CPT1A: variants seen among roughly 807,000 people sequenced by gnomAD.
The protein encoded by CPT1A is carnitine O-palmitoyltransferase 1, liver isoform.
Under a neutral mutation model 100.8 loss-of-function variants are expected in CPT1A, and 64 were observed. The ratio of observed to expected loss-of-function variants is 0.63; its 90% CI spans 0.52 to 0.78. The LOEUF is 0.78. Among genes scored for constraint, CPT1A ranks in the 30% least tolerant of loss-of-function variants. The pLI is 0.00. For missense variants in CPT1A, 802 were observed against 1,034.1 expected, an observed-to-expected ratio of 0.78 and a Z score of 3.08; for synonymous variants, 363 against 396.0, an observed-to-expected ratio of 0.92 and a Z score of 0.99.
At chr11:68,819,669 AG>A (rs1193793890) in intron 1 of CPT1A, among the ~76,000 whole-genome samples, 1 of 152,226 alleles carries the variant, frequency 6.6e-6, no homozygotes, top group Non-Finnish European at 1.5e-5. Flanking sequence ...AGGTAATTAT[AG>A]TGTCCTTTCT....
intron 1 of CPT1A, among the ~76,000 whole-genome samples, chr11:68,820,182 C>T (rs1186206518): frequency 3.3e-5 from 5 of 151,934 alleles, no homozygotes; most frequent in African/African-American, 9.7e-5. Flanking sequence ...AGGCATGCAC[C>T]ACCATGCTCA....
At chr11:68,774,673 T>C (rs1855093611) in intron 13 of CPT1A, among the ~76,000 whole-genome samples, 3 of 150,918 alleles carry the variant, frequency 2.0e-5, no homozygotes, top group African/African-American at 7.3e-5. Context: ...TCCTAGCTAC[T>C]TGGGAGGCTG....
intron 9 of CPT1A, among the ~76,000 whole-genome samples, chr11:68,793,044 T>G (rs2153999547): frequency 1.3e-5 from 1 of 74,650 alleles, no homozygotes; most frequent in Non-Finnish European, 2.5e-5. Flanking sequence ...AGAGACCTCA[T>G]GTCAAAATAA....
At chr11:68,842,557 C>T (rs1270212083), upstream of CPT1A, among the ~76,000 whole-genome samples, 4 of 152,158 alleles carry the variant, frequency 2.6e-5, no homozygotes, top group African/African-American at 9.7e-5. Context: ...CCAGAGGCAG[C>T]GTGGCTCCTC....
chr11:68,835,394 T>C (rs988909695), intron 1 of CPT1A, among the ~76,000 whole-genome samples: 3 of 152,234 alleles, frequency 2.0e-5, no homozygotes, highest in African/African-American at 7.2e-5. Flanking sequence ...GTATCTCCCA[T>C]GCATATTCTT....
intron 1 of CPT1A, among the ~76,000 whole-genome samples, chr11:68,839,093 G>A (rs541181158): frequency 1.4e-4 from 21 of 152,228 alleles, no homozygotes; most frequent in African/African-American, 5.1e-4. Flanking sequence ...CGGAATTCAA[G>A]TTCAGGCTTC....
At chr11:68,842,845 G>T (rs76382879), upstream of CPT1A, among the ~76,000 whole-genome samples, 1,577 of 152,264 alleles carry the variant, frequency 0.01, 30 homozygotes, top group African/African-American at 0.036. Context: ...GGAGGGCCAA[G>T]GGGGTCTTCC....
chr11:68,770,045 G>A (rs1854943278), intron 14 of CPT1A, among the ~76,000 whole-genome samples: 1 of 107,666 alleles, frequency 9.3e-6, no homozygotes, highest in Non-Finnish European at 1.9e-5. Flanking sequence ...GGGCAACAGA[G>A]TAAGGCTCCG....
chr11:68,770,220 T>C (rs1854949010), intron 14 of CPT1A, among the ~76,000 whole-genome samples: 1 of 152,142 alleles, frequency 6.6e-6, no homozygotes, highest in Non-Finnish European at 1.5e-5. Flanking sequence ...TTTATACACG[T>C]ATGCCTGGAA....
chr11:68,787,692 A>G (rs1228260818), intron 9 of CPT1A, among the ~76,000 whole-genome samples: 1 of 152,012 alleles, frequency 6.6e-6, no homozygotes. Flanking sequence ...CTATAATCCC[A>G]GCACTTTGGG....
At chr11:68,824,727 G>A (rs370340200) in intron 1 of CPT1A, among the ~76,000 whole-genome samples, 1 of 150,190 alleles carries the variant, frequency 6.7e-6, no homozygotes, top group African/African-American at 2.4e-5. Flanking sequence ...TCAGGCAGTG[G>A]TTATTTTTAA....
At chr11:68,798,598 C>T (rs577970434) in intron 6 of CPT1A, among the ~76,000 whole-genome samples, 2 of 146,436 alleles carry the variant, frequency 1.4e-5, no homozygotes, top group South Asian at 4.4e-4. Context: ...AGGAGATGCT[C>T]CTGGGACCAC....
chr11:68,776,612 C>T (rs1855147264), intron 12 of CPT1A, among the ~76,000 whole-genome samples: 1 of 152,152 alleles, frequency 6.6e-6, no homozygotes, highest in African/African-American at 2.4e-5. Flanking sequence ...GGCTCTGTGA[C>T]TCACGACTGT....
At chr11:68,794,278 G>A (rs1259168708) in intron 8 of CPT1A, among the ~76,000 whole-genome samples, 1 of 152,202 alleles carries the variant, frequency 6.6e-6, no homozygotes, top group East Asian at 1.9e-4. Context: ...GGACCAGGTG[G>A]GAGGGAGAGA....
intron 1 of CPT1A, among the ~76,000 whole-genome samples, chr11:68,817,111 G>C (rs1427942945): frequency 7.0e-6 from 1 of 142,944 alleles, no homozygotes; most frequent in Non-Finnish European, 1.5e-5. Flanking sequence ...GTGTGTGTGT[G>C]TGGGTGTGTG....
chr11:68,771,408 G>T (rs1018011642), intron 14 of CPT1A, among the ~76,000 whole-genome samples: 29 of 152,192 alleles, frequency 1.9e-4, no homozygotes, highest in Admixed American at 1.6e-3. Flanking sequence ...TCAACTGCTT[G>T]CATGCCCTCA....
rs1328601982 is a variant in CPT1A, at chr11:68,841,823, G to T, written c.-62C>A. 1 of 998,560 alleles carries T rather than the reference G, an allele frequency of 1.0e-6. No homozygotes were observed. The highest frequency in any genetic ancestry group is 1.2e-6 in the Non-Finnish European group (1 of 841,016). The allele number at this position is 998,560 out of a possible 1,614,324, so 61.9% of individuals were successfully genotyped here. A position where few individuals can be genotyped will look rare whatever the true frequency, so the allele number is the denominator to read the frequency against. The stretch of plus-strand genomic sequence containing the variant: ...AGCGGCAGCGGCAGCGGCGGCGGCG[G>T]CGGCGGCGGTGGAGTGAACGAGCGG... On this transcript the variant is annotated 5_prime_UTR_variant, in exon 1 of 19. Transcript: ENST00000265641. This position sits in a 1 kb window ranked among gnomAD's most constrained non-coding sequence, Gnocchi z 6.3.
intron 12 of CPT1A, among the ~76,000 whole-genome samples, chr11:68,777,551 T>A (rs1855173167): frequency 6.6e-6 from 1 of 152,244 alleles, no homozygotes; most frequent in South Asian, 2.1e-4. Flanking sequence ...CATCTGTGTA[T>A]GGATCACATA....
At chr11:68,763,177 G>A (rs1440366949) in intron 14 of CPT1A, among the ~76,000 whole-genome samples, 1 of 152,140 alleles carries the variant, frequency 6.6e-6, no homozygotes, top group Non-Finnish European at 1.5e-5. Flanking sequence ...TCAGTCTCTG[G>A]CCGCTTTTAC....
Sources: gnomAD v4.1 joint callset for allele counts (sites outside exome capture counted in the v4.1 genomes callset) on GRCh38, gnomAD v4.1.1 for gene constraint, Gnocchi (gnomAD v3.1) non-coding constraint, MANE v1.5 for transcripts, NCBI Gene and HGNC (gene_info 2026-07-23, HGNC 2026-07-21) for gene names.